Variants in RORA observed in about 807,000 individuals in gnomAD.
RORA encodes the protein RAR related orphan receptor A.
In RORA, 7 loss-of-function variants were observed where a neutral mutation model predicts 69.5. That is an observed-to-expected ratio of 0.10 (90% CI 0.06 to 0.19). RORA has a LOEUF of 0.19. Among genes scored for constraint, RORA ranks in the 10% least tolerant of loss-of-function variants. RORA has a pLI of 1.00. For missense variants in RORA, 457 were observed against 663.0 expected (o/e 0.69, Z 3.41); for synonymous variants, 261 against 240.8 (o/e 1.08, Z -0.78).
At chr15:60,605,740 T>C (rs8030660) in intron 2 of RORA, among the ~76,000 whole-genome samples, 64,692 of 152,080 alleles carry the variant, frequency 0.43, 13,994 homozygotes, top group African/African-American at 0.5. Context: ...AACCACAGAG[T>C]AAATAATGAT....
chr15:61,031,737 T>C (rs186386928), intron 1 of RORA, among the ~76,000 whole-genome samples: 146 of 152,312 alleles, frequency 9.6e-4, no homozygotes, highest in Middle Eastern at 3.4e-3. Flanking sequence ...ACATCTGTAT[T>C]AGCAAAGAGA....
At chr15:61,109,424 G>T in intron 1 of RORA, among the ~76,000 whole-genome samples, 1 of 152,116 alleles carries the variant, frequency 6.6e-6, no homozygotes, top group East Asian at 1.9e-4. Flanking sequence ...CCTGGTACTG[G>T]CAAAGTGACA....
At chr15:61,049,834 T>A (rs527837710) in intron 1 of RORA, among the ~76,000 whole-genome samples, 3 of 152,198 alleles carry the variant, frequency 2.0e-5, no homozygotes, top group East Asian at 3.9e-4. Context: ...TAATTTTTCA[T>A]ATTTTTAGTA....
intron 1 of RORA, among the ~76,000 whole-genome samples, chr15:60,854,246 G>A (rs191414981): frequency 1.7e-4 from 26 of 152,084 alleles, no homozygotes; most frequent in Non-Finnish European, 2.8e-4. Flanking sequence ...TGGCGACAGC[G>A]AGACTCCATC....
chr15:60,912,627 G>A (rs761112985), intron 1 of RORA, among the ~76,000 whole-genome samples: 1 of 152,092 alleles, frequency 6.6e-6, no homozygotes, highest in African/African-American at 2.4e-5. Flanking sequence ...GGTGGCAGGC[G>A]CCTGTAGTCC....
intron 5 of RORA, among the ~76,000 whole-genome samples, chr15:60,507,784 TA>T (rs1424404534): frequency 2.6e-4 from 39 of 152,240 alleles, no homozygotes; most frequent in South Asian, 1.0e-3. Flanking sequence ...CGCAGGGAAG[TA>T]GGGGGGGATG....
intron 1 of RORA, among the ~76,000 whole-genome samples, chr15:61,097,039 A>G (rs1300279523): frequency 6.6e-6 from 1 of 152,240 alleles, no homozygotes; most frequent in East Asian, 1.9e-4. Flanking sequence ...CTCTTACTCT[A>G]CTAAGGGTGA....
At chr15:61,058,057 G>C (rs1055233593) in intron 1 of RORA, among the ~76,000 whole-genome samples, 1 of 152,162 alleles carries the variant, frequency 6.6e-6, no homozygotes, top group Non-Finnish European at 1.5e-5. Context: ...CCCCTTACAG[G>C]CTTGAGTAGT....
At chr15:60,547,471 C>T (rs149982229) in intron 2 of RORA, among the ~76,000 whole-genome samples, 2,595 of 151,946 alleles carry the variant, frequency 0.017, 68 homozygotes, top group African/African-American at 0.051. Flanking sequence ...GGATTACAGG[C>T]GCCCACCACC....
At chr15:60,540,850 T>C (rs1046399221) in intron 2 of RORA, among the ~76,000 whole-genome samples, 4 of 152,112 alleles carry the variant, frequency 2.6e-5, no homozygotes, top group African/African-American at 9.7e-5. Flanking sequence ...CATCCCTCTA[T>C]AGCAAGCCCA....
At chr15:61,031,110 T>G (rs1896146431) in intron 1 of RORA, among the ~76,000 whole-genome samples, 1 of 152,158 alleles carries the variant, frequency 6.6e-6, no homozygotes, top group Non-Finnish European at 1.5e-5. Context: ...TTGACAAGAT[T>G]TGAGCAGTAG....
chr15:60,690,864 C>T (rs1211322313), intron 1 of RORA, among the ~76,000 whole-genome samples: 1 of 152,154 alleles, frequency 6.6e-6, no homozygotes, highest in Non-Finnish European at 1.5e-5. Flanking sequence ...CTCAACTGGA[C>T]CCAGGAACAA....
intron 1 of RORA, among the ~76,000 whole-genome samples, chr15:61,068,641 C>A (rs2078297451): frequency 6.6e-6 from 1 of 152,194 alleles, no homozygotes; most frequent in Non-Finnish European, 1.5e-5. Flanking sequence ...GCTGAGCTAT[C>A]CATTTAGTCA....
chr15:60,577,140 G>A (rs964051717), intron 2 of RORA, among the ~76,000 whole-genome samples: 4 of 152,272 alleles, frequency 2.6e-5, no homozygotes, highest in Admixed American at 6.5e-5. Context: ...TAAAGAAAAC[G>A]AGGATTACAA....
In RORA at chr15:61,229,195, G is replaced by C. The variant is rs775784471; in HGVS notation, c.24C>G (p.Pro8=). ...TGCCTGGCTCGCTGGCGGCGGGGTC[G>C]GGGGCTGCCGGAGCTGACTCCATGT... The part of the protein sequence containing the change: MESAPAA[P]DPAASEPGSS... Residue 8 remains proline (P), a synonymous_variant, in exon 1 of 11, where the codon CCC becomes CCG. Coordinates refer to ENST00000335670, the MANE Select transcript of RORA (RefSeq NM_134261.3). 2.6e-6 allele frequency: 4 copies of C among 1,545,802 alleles called. No homozygotes were observed. The highest frequency in any genetic ancestry group is 1.7e-6 in the Non-Finnish European group (2 of 1,148,904).
rs1168365500 is a variant in RORA, at chr15:61,204,639, T to C, written c.166+24414A>G. On this transcript the variant is annotated intron_variant, in intron 1 of 10. Coordinates refer to ENST00000335670, the MANE Select transcript of RORA (RefSeq NM_134261.3). The stretch of plus-strand genomic sequence containing the variant: ...GGGTTTTAAGCAAGAACATGAGATA[T>C]GAGATTTGCATTTCCAAAAATCCAC... Among the ~76,000 whole-genome samples, 92 of 152,224 alleles carry C rather than the reference T, an allele frequency of 6.0e-4. 2 individuals are homozygous for C. Among genetic ancestry groups the C allele is most frequent in the Admixed American group, 5.9e-3 (90 of 15,286 alleles).
chr15:60,553,916 A>G (rs1469110137), intron 2 of RORA, among the ~76,000 whole-genome samples: 1 of 152,204 alleles, frequency 6.6e-6, no homozygotes, highest in Non-Finnish European at 1.5e-5. Context: ...AAAATGGTAT[A>G]TAAGCCTCCA....
intron 1 of RORA, among the ~76,000 whole-genome samples, chr15:61,164,793 T>G (rs2140887081): frequency 1.3e-5 from 2 of 152,300 alleles, no homozygotes; most frequent in Middle Eastern, 6.8e-3. Flanking sequence ...AAAGACTGAT[T>G]TTTGAAAAAT....
chr15:61,051,019 G>C (rs1897267461), intron 1 of RORA, among the ~76,000 whole-genome samples: 1 of 152,154 alleles, frequency 6.6e-6, no homozygotes, highest in Non-Finnish European at 1.5e-5. Context: ...TAGTGGAGAG[G>C]GTAGTGCTCT....
Sources: gnomAD v4.1 joint callset for allele counts (sites outside exome capture counted in the v4.1 genomes callset) on GRCh38, gnomAD v4.1.1 for gene constraint, MANE v1.5 for transcripts, NCBI Gene and HGNC (gene_info 2026-07-23, HGNC 2026-07-21) for gene names.